The following NBEA variants were observed in gnomAD, a reference collection of about 807,000 sequenced individuals.
NBEA encodes the protein lysosomal-trafficking regulator 2.
A neutral mutation model predicts 343.4 loss-of-function variants in NBEA; 44 were observed. The observed-to-expected ratio is 0.13, with a 90% CI of 0.10 to 0.16. The LOEUF (loss-of-function observed/expected upper bound fraction) is 0.16. NBEA is among the 10% of genes least tolerant of loss of function. NBEA has a pLI of 1.00. For synonymous variants in NBEA, 1,175 were observed against 1,238.7 expected, an observed-to-expected ratio of 0.95 and a Z score of 1.08; for missense variants, 2,555 against 3,631.3, an observed-to-expected ratio of 0.70 and a Z score of 7.62.
intron 43 of NBEA, among the ~76,000 whole-genome samples, chr13:35,551,454 G>T (rs992825607): frequency 6.6e-6 from 1 of 152,068 alleles, no homozygotes; most frequent in African/African-American, 2.4e-5. Context: ...TTTATTAAGG[G>T]TAATAGTCAT....
intron 45 of NBEA, among the ~76,000 whole-genome samples, chr13:35,572,157 A>G (rs547618971): frequency 3.9e-5 from 6 of 152,334 alleles, no homozygotes; most frequent in Admixed American, 1.3e-4. Flanking sequence ...CCCCATTTAT[A>G]TAGGTATTCC....
chr13:35,281,007 T>C (rs1184526491), intron 34 of NBEA, among the ~76,000 whole-genome samples: 1 of 152,136 alleles, frequency 6.6e-6, no homozygotes, highest in Non-Finnish European at 1.5e-5. Context: ...ATTATTGGAC[T>C]GTATTCTGGT....
At chr13:35,456,176 C>T (rs7329838) in intron 40 of NBEA, among the ~76,000 whole-genome samples, 80,527 of 151,752 alleles carry the variant, frequency 0.53, 23,339 homozygotes, top group African/African-American at 0.77. Context: ...TCCATTTTGT[C>T]TGGAGTTTTC....
intron 37 of NBEA, among the ~76,000 whole-genome samples, chr13:35,350,038 T>C (rs1312132052): frequency 6.6e-6 from 1 of 152,084 alleles, no homozygotes; most frequent in African/African-American, 2.4e-5. Context: ...ATACCAGATA[T>C]TTTAAACTTC....
chr13:35,069,404 G>A (rs867399778), intron 8 of NBEA, among the ~76,000 whole-genome samples: 3 of 152,044 alleles, frequency 2.0e-5, no homozygotes, highest in Non-Finnish European at 1.5e-5. Context: ...TGTATATTGT[G>A]ATATTATTAT....
intron 12 of NBEA, among the ~76,000 whole-genome samples, chr13:35,110,535 T>A (rs1250833328): frequency 6.6e-6 from 1 of 152,128 alleles, no homozygotes; most frequent in Non-Finnish European, 1.5e-5. Flanking sequence ...TTTTATCAGA[T>A]TAATTTCAAT....
chr13:35,153,776 G>A (rs370787961), intron 18 of NBEA, among the ~76,000 whole-genome samples: 1 of 152,090 alleles, frequency 6.6e-6, no homozygotes, highest in East Asian at 1.9e-4. Context: ...AACTATCACG[G>A]GAGAGTAGGT....
chr13:35,601,052 C>G (rs2082020482), intron 47 of NBEA, among the ~76,000 whole-genome samples: 1 of 152,114 alleles, frequency 6.6e-6, no homozygotes, highest in South Asian at 2.1e-4. Context: ...TGGCGCACAC[C>G]TGTAATCCCA....
intron 40 of NBEA, among the ~76,000 whole-genome samples, chr13:35,458,131 C>T (rs1233183938): frequency 6.6e-6 from 1 of 152,166 alleles, no homozygotes; most frequent in African/African-American, 2.4e-5. Flanking sequence ...CCACGTTTAA[C>T]TTTTAGACTA....
chr13:35,360,569 G>A (rs1052193003), intron 38 of NBEA, among the ~76,000 whole-genome samples: 3 of 151,882 alleles, frequency 2.0e-5, no homozygotes, highest in African/African-American at 7.2e-5. Flanking sequence ...AACTATCAAA[G>A]ACTTAAAAGC....
chr13:35,355,268 A>G (rs562905498), intron 38 of NBEA, among the ~76,000 whole-genome samples: 2 of 151,702 alleles, frequency 1.3e-5, no homozygotes, highest in South Asian at 4.2e-4. Context: ...TTCTTTTTAT[A>G]TTTTTCCCCT....
intron 41 of NBEA, among the ~76,000 whole-genome samples, chr13:35,541,218 A>G (rs370945840): frequency 2.6e-5 from 4 of 151,562 alleles, no homozygotes; most frequent in African/African-American, 9.7e-5. Flanking sequence ...ATGTATCTTT[A>G]CATACATGTT....
intron 24 of NBEA, among the ~76,000 whole-genome samples, chr13:35,168,749 C>T (rs1307945798): frequency 2.0e-5 from 3 of 151,064 alleles, no homozygotes; most frequent in Non-Finnish European, 4.4e-5. Flanking sequence ...ATTATTTGGG[C>T]AGAGTTACTA....
In NBEA at chr13:35,572,201, T is replaced by G. The variant is rs147640840; in HGVS notation, c.7035+5184T>G. 3.8e-4 allele frequency among the ~76,000 whole-genome samples: 58 copies of G among 152,320 alleles called. No individual in the cohort carries two copies. In the East Asian group the frequency reaches 0.01, roughly 27 times the overall value. On this transcript the variant is annotated intron_variant, in intron 45 of 58. Transcript: ENST00000379939. ...ATGTAACCTTATGGTGAAATCTATC[T>G]TACAACATGATATATGCTAGGGCTT... is the stretch of plus-strand genomic sequence containing the variant.
rs2062939658 is a variant in NBEA, at chr13:35,048,353, G to C, written c.724-210G>C. Among the ~76,000 whole-genome samples, 6 of 151,940 alleles carry C rather than the reference G, an allele frequency of 3.9e-5. No individual in the cohort carries two copies. The South Asian group carries it at 1.2e-3, about 31-fold the overall frequency. ...ATAAAATCTAATTCACTGAGCATTT[G>C]AAAATTGAATGTTTCTATAATCAAC... is the stretch of plus-strand genomic sequence containing the variant. On this transcript the variant is annotated intron_variant, in intron 4 of 58. Coordinates refer to ENST00000379939, the MANE Select transcript of NBEA (RefSeq NM_001385012.1).
chr13:35,658,765 A>C (rs1008829845), intron 55 of NBEA, among the ~76,000 whole-genome samples: 2 of 152,222 alleles, frequency 1.3e-5, no homozygotes, highest in African/African-American at 4.8e-5. Flanking sequence ...AGTAGTAAAA[A>C]AGTGATCTCA....
At chr13:35,317,113 C>T (rs1374373971) in intron 36 of NBEA, among the ~76,000 whole-genome samples, 1 of 152,050 alleles carries the variant, frequency 6.6e-6, no homozygotes, top group South Asian at 2.1e-4. Context: ...TCATTAGTTT[C>T]CTTAGATCCC....
intron 10 of NBEA, among the ~76,000 whole-genome samples, chr13:35,094,772 C>G (rs1037548600): frequency 6.6e-6 from 1 of 151,818 alleles, no homozygotes; most frequent in African/African-American, 2.4e-5. Context: ...AAATATTTCA[C>G]TGTAATTCAG....
chr13:35,188,840 C>T (rs912408035), intron 30 of NBEA, among the ~76,000 whole-genome samples: 8 of 151,290 alleles, frequency 5.3e-5, no homozygotes, highest in African/African-American at 1.9e-4. Flanking sequence ...AATTTTCATT[C>T]CTATCAACAG....
Sources: gnomAD v4.1 joint callset for allele counts (sites outside exome capture counted in the v4.1 genomes callset) on GRCh38, gnomAD v4.1.1 for gene constraint, MANE v1.5 for transcripts, NCBI Gene and HGNC (gene_info 2026-07-23, HGNC 2026-07-21) for gene names.